EIPR1: variants seen among roughly 807,000 people sequenced by gnomAD.
EIPR1 encodes EARP and GARP complex-interacting protein 1.
In EIPR1, 25 loss-of-function variants were observed where a neutral mutation model predicts 48.1. The ratio of observed to expected loss-of-function variants is 0.52; its 90% CI spans 0.38 to 0.73. The LOEUF (loss-of-function observed/expected upper bound fraction) is 0.73. Among genes scored for constraint, EIPR1 ranks in the 30% least tolerant of loss-of-function variants. EIPR1 has a pLI of 0.00. For synonymous variants in EIPR1, 204 were observed against 201.9 expected (o/e 1.01, Z -0.09); for missense variants, 415 against 506.2 (o/e 0.82, Z 1.73).
At chr2:3,195,212 C>A (rs1394388746) in intron 6 of EIPR1, among the ~76,000 whole-genome samples, 1 of 152,222 alleles carries the variant, frequency 6.6e-6, no homozygotes, top group African/African-American at 2.4e-5. Context: ...CAAAAGGCTG[C>A]GCCCAGGAGA....
intron 2 of EIPR1, among the ~76,000 whole-genome samples, chr2:3,340,080 C>G (rs1443986870): frequency 1.3e-5 from 2 of 152,276 alleles, no homozygotes; most frequent in Non-Finnish European, 2.9e-5. Flanking sequence ...GAAGCAGATG[C>G]TGCTATGTTT....
intron 3 of EIPR1, among the ~76,000 whole-genome samples, chr2:3,263,489 C>T (rs1465646267): frequency 2.0e-5 from 3 of 152,196 alleles, no homozygotes; most frequent in Non-Finnish European, 4.4e-5. Context: ...CTCAACGGCC[C>T]CACCACTACA....
At chr2:3,251,825 G>A (rs781359564) in intron 4 of EIPR1, among the ~76,000 whole-genome samples, 3 of 152,198 alleles carry the variant, frequency 2.0e-5, no homozygotes, top group Admixed American at 6.5e-5. Flanking sequence ...CAGGAACAGA[G>A]ACAATTTCAT....
intron 4 of EIPR1, among the ~76,000 whole-genome samples, chr2:3,218,454 G>T: frequency 9.2e-6 from 1 of 108,956 alleles, no homozygotes; most frequent in East Asian, 3.2e-4. Context: ...GCCCCGATAC[G>T]CTCTAGAGCA....
intron 3 of EIPR1, among the ~76,000 whole-genome samples, chr2:3,302,010 G>A (rs529252483): frequency 1.3e-5 from 2 of 152,310 alleles, no homozygotes; most frequent in South Asian, 2.1e-4. Context: ...TGCCAGATGC[G>A]ATAAAGCAGA....
At chr2:3,305,262 C>T (rs1262497614) in intron 3 of EIPR1, among the ~76,000 whole-genome samples, 3 of 146,108 alleles carry the variant, frequency 2.1e-5, no homozygotes, top group African/African-American at 7.7e-5. Flanking sequence ...CCGTACAGTT[C>T]AGCCCTCCAC....
Position 3,334,584 on chromosome 2 carries a change from G to A in EIPR1, c.259+3433C>T, listed in dbSNP as rs538177892. On this transcript the variant is annotated intron_variant, in intron 3 of 8. Coordinates refer to ENST00000382125, the MANE Select transcript of EIPR1 (RefSeq NM_003310.5). ...GCAGATGACCTGATTCAGATGAGAC[G>A]TGGCGCCGTGTGTGCTTCGAAGGGC... Among the ~76,000 whole-genome samples, 15 of 152,370 alleles carry A rather than the reference G, an allele frequency of 9.8e-5. 1 individual carries two copies. The highest frequency in any genetic ancestry group is 2.0e-4 in the Admixed American group (3 of 15,312).
chr2:3,318,998 C>T (rs1047970418), intron 3 of EIPR1: 2 of 468,542 alleles, frequency 4.3e-6, no homozygotes, highest in Non-Finnish European at 4.4e-6. Flanking sequence ...TGGAACTTAC[C>T]CCAGCAACAA....
At chr2:3,326,794 A>C (rs972821713) in intron 3 of EIPR1, among the ~76,000 whole-genome samples, 3 of 152,032 alleles carry the variant, frequency 2.0e-5, no homozygotes, top group Admixed American at 6.5e-5. Flanking sequence ...TGTTCCCAAG[A>C]AAAATCCACT....
chr2:3,309,256 G>A (rs1400126233), intron 3 of EIPR1, among the ~76,000 whole-genome samples: 2 of 152,162 alleles, frequency 1.3e-5, no homozygotes, highest in Non-Finnish European at 1.5e-5. Flanking sequence ...TATTCCTCTC[G>A]AGGTAGGAAA....
At chr2:3,237,394 C>T (rs1335804977) in intron 4 of EIPR1, among the ~76,000 whole-genome samples, 1 of 152,146 alleles carries the variant, frequency 6.6e-6, no homozygotes, top group Non-Finnish European at 1.5e-5. Flanking sequence ...GAGAGAGAGA[C>T]CACATTCACA....
intron 3 of EIPR1, among the ~76,000 whole-genome samples, chr2:3,293,478 G>T (rs1668433477): frequency 6.6e-6 from 1 of 152,214 alleles, no homozygotes; most frequent in Non-Finnish European, 1.5e-5. Context: ...GGACTGCTCA[G>T]GAGGGTCCTG....
chr2:3,303,230 C>G (rs1456493031), intron 3 of EIPR1, among the ~76,000 whole-genome samples: 2 of 152,200 alleles, frequency 1.3e-5, no homozygotes, highest in East Asian at 3.9e-4. Flanking sequence ...ACGTGAGGGG[C>G]TGGGTGGAAG....
At chr2:3,208,445 C>T in intron 5 of EIPR1, 5 of 1,483,048 alleles carry the variant, frequency 3.4e-6, no homozygotes, top group Non-Finnish European at 4.5e-6. Context: ...TCCTCTGCTT[C>T]CGTCGTTAGC....
At chr2:3,370,253 A>C (rs1671081293) in intron 1 of EIPR1, among the ~76,000 whole-genome samples, 1 of 152,316 alleles carries the variant, frequency 6.6e-6, no homozygotes, top group South Asian at 2.1e-4. Context: ...ATCATCATCA[A>C]AGACCAAAAG....
chr2:3,347,047 C>G (rs750724909), intron 2 of EIPR1, among the ~76,000 whole-genome samples: 19 of 152,070 alleles, frequency 1.2e-4, no homozygotes, highest in Non-Finnish European at 2.1e-4. Context: ...TGTGGCACTC[C>G]CCCTCACTCT....
intron 3 of EIPR1, among the ~76,000 whole-genome samples, chr2:3,304,129 G>A (rs1275064987): frequency 2.0e-5 from 3 of 152,152 alleles, no homozygotes; most frequent in Non-Finnish European, 4.4e-5. Flanking sequence ...GCCCAGGCAC[G>A]CGGACAGGCA....
intron 5 of EIPR1, among the ~76,000 whole-genome samples, chr2:3,199,893 T>TG (rs562250605): frequency 2.1e-4 from 11 of 53,172 alleles, no homozygotes; most frequent in Non-Finnish European, 2.4e-4. Flanking sequence ...TGGGCAGGCA[T>TG]GGGGGGTGTG....
At position 3,257,300 on chromosome 2, in the gene EIPR1, A is replaced by G; in HGVS notation, c.415T>C (p.Cys139Arg). Reference protein sequence around the residue: ...LDNTAHGNMACVVWEPMGDGK... With the variant: ...LDNTAHGNMARVVWEPMGDGK... ...CGCATGAAATATGCAAAATCCTACC[A>G]GGCCATGTTGCCATGGGCTGTGTTG... Residue 139 changes from cysteine (C) to arginine (R), a missense_variant and splice_region_variant, in exon 4 of 9, where the codon TGT becomes CGT. By Grantham distance (180) the Cys-to-Arg change is radical (BLOSUM62 -3). Transcript: ENST00000382125. 6.2e-7 allele frequency: 1 copy of G among 1,612,710 alleles called. No individual in the cohort carries two copies.
Sources: gnomAD v4.1 joint callset for allele counts (sites outside exome capture counted in the v4.1 genomes callset) on GRCh38, gnomAD v4.1.1 for gene constraint, MANE v1.5 for transcripts, NCBI Gene and HGNC (gene_info 2026-07-23, HGNC 2026-07-21) for gene names.